The following RIOK1 variants were observed in gnomAD, a reference collection of about 807,000 sequenced individuals.
RIOK1 encodes the protein RIO kinase 1.
In RIOK1, 66 loss-of-function variants were observed where a neutral mutation model predicts 73.5. The ratio of observed to expected loss-of-function variants is 0.90; its 90% CI spans 0.74 to 1.10. The LOEUF is 1.10. Ranked by LOEUF, RIOK1 falls within the 50% of genes least tolerant of loss-of-function variation. The pLI is 0.00. For missense variants in RIOK1, 658 were observed against 699.8 expected, an observed-to-expected ratio of 0.94 and a Z score of 0.67; for synonymous variants, 224 against 226.8, an observed-to-expected ratio of 0.99 and a Z score of 0.11.
intron 1 of RIOK1, among the ~76,000 whole-genome samples, chr6:7,392,657 T>C (rs905610517): frequency 3.9e-5 from 6 of 152,054 alleles, no homozygotes; most frequent in African/African-American, 1.4e-4. Context: ...GTAGCTGGGA[T>C]CAAAGGTGTG....
intron 2 of RIOK1, 154 bp from the exon 3 acceptor site, chr6:7,394,899 T>A: frequency 5.9e-6 from 7 of 1,187,552 alleles, no homozygotes; most frequent in East Asian, 5.2e-5. Context: ...CTTTAAAAAA[T>A]TTTTTGAGCC....
chr6:7,404,732 G>A (rs1191191858), intron 10 of RIOK1, among the ~76,000 whole-genome samples, 177 bp downstream of exon 10: 2 of 152,138 alleles, frequency 1.3e-5, no homozygotes, highest in Non-Finnish European at 2.9e-5. Context: ...TTGACTGCTT[G>A]GATCATTAAC....
At chr6:7,414,006 A>G (rs1336210949) in intron 15 of RIOK1, among the ~76,000 whole-genome samples, 1 of 152,222 alleles carries the variant, frequency 6.6e-6, no homozygotes, top group Non-Finnish European at 1.5e-5. Context: ...GTCACGCAGT[A>G]AAGCCCTGGT....
At position 7,405,383 on chromosome 6, in the gene RIOK1, G is replaced by C. The variant is rs76380910; in HGVS notation, c.1203+28G>C. On this transcript the variant is annotated intron_variant, in intron 12 of 16. Transcript: ENST00000379834. ...AAGATGGGGAGAGGAAGGAGGAATA[G>C]GAAATAGCAGTACAGGTGCAGTATC... is the stretch of plus-strand genomic sequence containing the variant. 3.5e-3 allele frequency: 4,404 copies of C among 1,266,580 alleles called. 126 individuals are homozygous for C. In the African/African-American group the frequency reaches 0.057, roughly 16 times the overall value. The allele number at this position is 1,266,580 out of a possible 1,614,324, so 78.5% of individuals were successfully genotyped here. A position where few individuals can be genotyped will look rare whatever the true frequency, so the allele number is the denominator to read the frequency against.
chr6:7,411,286 G>A (rs371917532), intron 13 of RIOK1, 46 bp from the exon 14 acceptor site: 2 of 1,602,920 alleles, frequency 1.2e-6, no homozygotes. Context: ...GTGAATGTGA[G>A]AAGTGTATGA....
chr6:7,414,696 G>T (rs966708156), intron 16 of RIOK1, among the ~76,000 whole-genome samples: 4 of 152,132 alleles, frequency 2.6e-5, no homozygotes, highest in African/African-American at 4.8e-5. Context: ...CCATTTCAGG[G>T]GGATTTATAG....
At position 7,417,389 on chromosome 6, in the gene RIOK1, A is replaced by C. The variant is rs1762034573; in HGVS notation, c.1655A>C (p.Lys552Thr). 6 of 1,570,184 alleles carry C rather than the reference A, an allele frequency of 3.8e-6. No individual in the cohort carries two copies. Among genetic ancestry groups the C allele is most frequent in the Non-Finnish European group, 5.2e-6 (6 of 1,157,214 alleles). ...GAGAAAAGAAAAAACAAAATTCCTA[A>C]ACATGTGAAAAAAAGAAAGGAGAAG... ...QREKRKNKIP[K>T]HVKKRKEKTA... The change falls in exon 17 of 17, where the codon AAA becomes ACA. Residue 552 changes from lysine (K) to threonine (T), a missense_variant. Physicochemically the swap from Lys to Thr is moderately conservative, Grantham distance 78. Transcript: ENST00000379834.
rs1762045738 is a variant in RIOK1 at position 7,417,810 on chromosome 6, A to G, written c.*369A>G. The G allele has an allele frequency of 6.5e-6, 1 of 153,670 alleles. No homozygotes were observed. The highest frequency in any genetic ancestry group is 1.4e-5 in the Non-Finnish European group (1 of 69,080). 9.5% of individuals were successfully genotyped at this position (153,670 alleles called of 1,614,324 possible). A position where few individuals can be genotyped will look rare whatever the true frequency, so the allele number is the denominator to read the frequency against. ...GAGTGTCCAGAGGCACTCATGGGAA[A>G]ATTGGTTTTGCTTTCTTTGTACACA... On this transcript the variant is annotated 3_prime_UTR_variant, in exon 17 of 17. Coordinates refer to ENST00000379834, the MANE Select transcript of RIOK1 (RefSeq NM_031480.3).
At chr6:7,411,571 A>T in intron 14 of RIOK1, 120 bp downstream of exon 14, 1 of 1,016,610 alleles carries the variant, frequency 9.8e-7, no homozygotes, top group Non-Finnish European at 1.5e-6. Flanking sequence ...AGCTAGTGAA[A>T]TGACTAACTC....
At chr6:7,396,443 G>A (rs563339738) in intron 3 of RIOK1, among the ~76,000 whole-genome samples, 2 of 152,284 alleles carry the variant, frequency 1.3e-5, no homozygotes, top group East Asian at 3.9e-4. Context: ...TATTATCTTT[G>A]AAGAATTTCT....
chr6:7,398,696 A>C lies in RIOK1; in HGVS notation c.438-2A>C. 6.2e-7 allele frequency: 1 copy of C among 1,612,084 alleles called. No individual in the cohort carries two copies. The highest frequency in any genetic ancestry group is 8.5e-7 in the Non-Finnish European group (1 of 1,178,738). On this transcript the variant is annotated splice_acceptor_variant, in intron 4 of 16. Transcript: ENST00000379834. LOFTEE classifies it high-confidence loss of function. ...CAACTATACGTTTTTGTTTTTGGTT[A>C]GGTATCGCATCAAAGATAAGGCAGA...
chr6:7,416,626 C>T (rs900151602), intron 16 of RIOK1, among the ~76,000 whole-genome samples: 2 of 135,590 alleles, frequency 1.5e-5, no homozygotes, highest in East Asian at 2.2e-4. Flanking sequence ...CCAGCCTGGG[C>T]GACAGAGACT....
chr6:7,394,656 A>G (rs752248510), intron 2 of RIOK1, among the ~76,000 whole-genome samples: 3 of 152,168 alleles, frequency 2.0e-5, no homozygotes, highest in Non-Finnish European at 4.4e-5. Flanking sequence ...CTCTCTTGAG[A>G]CATTGGGCCC....
rs763294778 is a variant in RIOK1, at chr6:7,410,415, G to A, written c.1233G>A (p.Lys411=). 1.9e-6 allele frequency: 3 copies of A among 1,612,962 alleles called. No individual in the cohort carries two copies. The highest frequency in any genetic ancestry group is 2.2e-5 in the South Asian group (2 of 91,014). The change falls in exon 13 of 17, where the codon AAG becomes AAA. Residue 411 remains lysine (K), a synonymous_variant. Coordinates refer to ENST00000379834, the MANE Select transcript of RIOK1 (RefSeq NM_031480.3). ...KAMEIASQRT[K]EERSSQDHVD... ...TGGAAATAGCATCTCAAAGGACCAAGGAAGAACGGTCTAGCCAAGATCATG... is the reference window on the plus strand; with the variant it reads ...TGGAAATAGCATCTCAAAGGACCAAAGAAGAACGGTCTAGCCAAGATCATG...
chr6:7,417,603 T>C lies in RIOK1; in HGVS notation c.*162T>C. 2.1e-6 allele frequency: 1 copy of C among 476,330 alleles called. No homozygotes were observed. The highest frequency in any genetic ancestry group is 3.8e-6 in the Non-Finnish European group (1 of 262,302). 29.5% of individuals were successfully genotyped at this position (476,330 alleles called of 1,614,324 possible). A position where few individuals can be genotyped will look rare whatever the true frequency, so the allele number is the denominator to read the frequency against. ...GTTTTCATGTAACTATGTAAAAAGC[T>C]CTAAGCTCTAGAGTCTAGATCCAGT... On this transcript the variant is annotated 3_prime_UTR_variant, in exon 17 of 17. Coordinates refer to ENST00000379834, the MANE Select transcript of RIOK1 (RefSeq NM_031480.3).
At chr6:7,404,661 A>G in intron 10 of RIOK1, 106 bp downstream of exon 10, 9 of 1,335,492 alleles carry the variant, frequency 6.7e-6, no homozygotes, top group South Asian at 3.9e-5. Flanking sequence ...CTGAAGTTTT[A>G]TTGTTGACTT....
chr6:7,393,264 C>G lies in RIOK1; in HGVS notation c.237C>G (p.Leu79=). 1.2e-6 allele frequency: 2 copies of G among 1,614,002 alleles called. No individual in the cohort carries two copies. Among genetic ancestry groups the G allele is most frequent in the Non-Finnish European group, 1.7e-6 (2 of 1,179,980 alleles). The part of the protein sequence containing the change: ...DWDWDEGVGK[L]AKGYVWNGGS... ...ACTGGGATGAAGGAGTTGGAAAACT[C>G]GCCAAGGGTTATGTCTGGAATGGAG... Residue 79 remains leucine (L), a synonymous_variant, in exon 2 of 17, where the codon CTC becomes CTG. Coordinates refer to ENST00000379834, the MANE Select transcript of RIOK1 (RefSeq NM_031480.3).
chr6:7,394,399 A>C (rs1581710633), intron 2 of RIOK1, among the ~76,000 whole-genome samples: 1 of 152,206 alleles, frequency 6.6e-6, no homozygotes, highest in South Asian at 2.1e-4. Context: ...ACACCACTGC[A>C]CTCCAGCCTG....
rs1205099215 is a variant in RIOK1 at position 7,405,343 on chromosome 6, T to G, written c.1191T>G (p.Ala397=). 2 of 1,594,064 alleles carry G rather than the reference T, an allele frequency of 1.3e-6. No homozygotes were observed. Among genetic ancestry groups the G allele is most frequent in the South Asian group, 2.2e-5 (2 of 90,682 alleles). The change falls in exon 12 of 17, where the codon GCT becomes GCG. Residue 397 remains alanine (A), a synonymous_variant. Transcript: ENST00000379834. The part of the protein sequence containing the change: ...DPSITHENMD[A]YLSKAMEIAS... Reference sequence around the variant, plus strand: ...CCATTACACATGAGAACATGGATGCTTATCTCTCAAAGGTAAGATGGGGAG... The same window carrying G: ...CCATTACACATGAGAACATGGATGCGTATCTCTCAAAGGTAAGATGGGGAG...
Sources: allele counts gnomAD v4.1 joint callset (sites outside exome capture counted in the v4.1 genomes callset), GRCh38; gene constraint gnomAD v4.1.1; transcripts MANE v1.5; gene names NCBI Gene and HGNC (gene_info 2026-07-23, HGNC 2026-07-21).